The following POFUT3 variants were observed in gnomAD, a reference collection of about 807,000 sequenced individuals.
POFUT3 encodes the protein protein O-fucosyltransferase 3, also known as GDP-fucose protein O-fucosyltransferase 3.
the POFUT3 span, among the ~76,000 whole-genome samples, chr8:33,364,003 C>A: frequency 4.6e-5 from 7 of 152,120 alleles, no homozygotes; most frequent in African/African-American, 1.7e-4. Flanking sequence ...CTGATGAACA[C>A]TGATGCGAAA....
At chr8:33,356,407 C>T in the POFUT3 span, among the ~76,000 whole-genome samples, 4 of 152,212 alleles carry the variant, frequency 2.6e-5, 1 homozygote, top group African/African-American at 7.2e-5. Flanking sequence ...TTGATTTGCA[C>T]TTCTCTGATG....
At chr8:33,330,957 C>T in the POFUT3 span, among the ~76,000 whole-genome samples, 1 of 152,120 alleles carries the variant, frequency 6.6e-6, no homozygotes, top group African/African-American at 2.4e-5. Context: ...TTAATCCCAG[C>T]GCCCAGCATG....
the POFUT3 span, among the ~76,000 whole-genome samples, chr8:33,360,314 C>T: frequency 4.0e-5 from 6 of 151,856 alleles, no homozygotes; most frequent in East Asian, 5.9e-4. Context: ...GGCGTGGTGG[C>T]GGGTGCCTGT....
the POFUT3 span, among the ~76,000 whole-genome samples, chr8:33,443,666 G>T: frequency 6.6e-6 from 1 of 151,994 alleles, no homozygotes; most frequent in Admixed American, 6.6e-5. Flanking sequence ...CTAATTTTTT[G>T]TATTTTTAGT....
chr8:33,319,045 A>G, the POFUT3 span, among the ~76,000 whole-genome samples: 2 of 59,628 alleles, frequency 3.4e-5, 1 homozygote, highest in African/African-American at 1.6e-4. Flanking sequence ...ATATATTTAT[A>G]TATTATATAA....
the POFUT3 span, among the ~76,000 whole-genome samples, chr8:33,315,260 T>A: frequency 6.6e-6 from 1 of 152,304 alleles, no homozygotes; most frequent in East Asian, 1.9e-4. Context: ...ATATCATCAG[T>A]CACCTTGAAG....
At chr8:33,414,977 A>G in the POFUT3 span, among the ~76,000 whole-genome samples, 4 of 151,820 alleles carry the variant, frequency 2.6e-5, no homozygotes, top group Non-Finnish European at 5.9e-5. Context: ...AAAAAAAAAA[A>G]AAGGCCAGGC....
the POFUT3 span, among the ~76,000 whole-genome samples, chr8:33,384,054 G>T: frequency 6.6e-6 from 1 of 152,052 alleles, no homozygotes; most frequent in African/African-American, 2.4e-5. Flanking sequence ...TATCTACACA[G>T]GATCAACATG....
At chr8:33,380,703 T>C in the POFUT3 span, among the ~76,000 whole-genome samples, 2 of 151,384 alleles carry the variant, frequency 1.3e-5, no homozygotes, top group East Asian at 3.9e-4. Context: ...TTAGGTATGG[T>C]GGCACATGCT....
chr8:33,455,268 G>T, the POFUT3 span, among the ~76,000 whole-genome samples: 3 of 152,136 alleles, frequency 2.0e-5, no homozygotes. Context: ...GTCTAAGTCT[G>T]GGTCACTGGA....
the POFUT3 span, among the ~76,000 whole-genome samples, chr8:33,422,166 A>G: frequency 6.6e-6 from 1 of 151,722 alleles, no homozygotes; most frequent in Non-Finnish European, 1.5e-5. Context: ...CAAAATTCTG[A>G]CACATGTTCA....
At chr8:33,396,158 C>T in the POFUT3 span, among the ~76,000 whole-genome samples, 3,406 of 152,140 alleles carry the variant, frequency 0.022, 125 homozygotes, top group African/African-American at 0.079. Context: ...GTTAACTCAC[C>T]CCCAACAGTA....
At chr8:33,440,454 A>G in the POFUT3 span, among the ~76,000 whole-genome samples, 1 of 152,132 alleles carries the variant, frequency 6.6e-6, no homozygotes, top group Non-Finnish European at 1.5e-5. Context: ...ATGAAGGCAG[A>G]GCTTGTTTTC....
At chr8:33,383,709 G>A in the POFUT3 span, among the ~76,000 whole-genome samples, 26 of 152,098 alleles carry the variant, frequency 1.7e-4, no homozygotes, top group Non-Finnish European at 7.4e-5. Context: ...TGAGGCAGGC[G>A]AATTGCTTGA....
At chr8:33,321,975 G>A in the POFUT3 span, among the ~76,000 whole-genome samples, 1 of 152,032 alleles carries the variant, frequency 6.6e-6, no homozygotes, top group African/African-American at 2.4e-5. Flanking sequence ...TTGCTGCAAT[G>A]AGTATATGTC....
the POFUT3 span, among the ~76,000 whole-genome samples, chr8:33,410,174 G>C: frequency 9.7e-3 from 1,479 of 152,242 alleles, 17 homozygotes; most frequent in Middle Eastern, 0.048. Flanking sequence ...CTAGATCCTA[G>C]GGAATAGGCT....
At chr8:33,461,191 A>G in the POFUT3 span, among the ~76,000 whole-genome samples, 213 of 26,300 alleles carry the variant, frequency 8.1e-3, 7 homozygotes, top group East Asian at 0.018. Context: ...GGAAGGAAGG[A>G]AGGGAGGGAG....
At chr8:33,351,756 A>G in the POFUT3 span, among the ~76,000 whole-genome samples, 1 of 152,244 alleles carries the variant, frequency 6.6e-6, no homozygotes, top group Non-Finnish European at 1.5e-5. Flanking sequence ...AGTGGAAAAC[A>G]TAAAACAGGC....
chr8:33,418,929 TG>T, the POFUT3 span, among the ~76,000 whole-genome samples: 1 of 152,136 alleles, frequency 6.6e-6, no homozygotes, highest in African/African-American at 2.4e-5. Context: ...TGCAGCAACA[TG>T]GATGGAACTG....
Sources: gnomAD v4.1 joint callset for allele counts (sites outside exome capture counted in the v4.1 genomes callset) on GRCh38, gnomAD v4.1.1 for gene constraint, MANE v1.5 for transcripts, NCBI Gene and HGNC (gene_info 2026-07-23, HGNC 2026-07-21) for gene names.